TPM3: variants seen among roughly 807,000 people sequenced by gnomAD.
TPM3 encodes the protein tropomyosin 3.
In TPM3, 16 loss-of-function variants were observed where a neutral mutation model predicts 43.1. The ratio of observed to expected loss-of-function variants is 0.37; its 90% CI spans 0.25 to 0.56. The LOEUF (loss-of-function observed/expected upper bound fraction) is 0.56, where lower values mean the gene tolerates loss of function less well. Ranked by LOEUF, TPM3 falls within the 20% of genes least tolerant of loss-of-function variation. The probability of loss-of-function intolerance (pLI) is 0.77; values close to 1 mark genes in which losing one functional copy is unlikely to be tolerated. For synonymous variants in TPM3, 101 were observed against 116.9 expected (o/e 0.86, Z 0.88); for missense variants, 176 against 337.2 (o/e 0.52, Z 3.74).
At chr1:154,175,459 T>C (rs1474438782) in intron 3 of TPM3, among the ~76,000 whole-genome samples, 1 of 151,846 alleles carries the variant, frequency 6.6e-6, no homozygotes, top group Non-Finnish European at 1.5e-5. Flanking sequence ...CCCAGTGATT[T>C]CCCCCCTCAC....
chr1:154,175,374 C>T (rs1662189713), intron 3 of TPM3, among the ~76,000 whole-genome samples: 1 of 144,122 alleles, frequency 6.9e-6, no homozygotes, highest in Non-Finnish European at 1.5e-5. Flanking sequence ...ACTTTAAAAA[C>T]ATCAATGCCC....
At position 154,162,497 on chromosome 1, in the gene TPM3, T is replaced by G. The variant is rs12064494; in HGVS notation, c.*5440A>C. On this transcript the variant is annotated 3_prime_UTR_variant, in exon 10 of 10. Transcript: ENST00000651641. ...AAACAGAATAGGTCTAAGATAAAGC[T>G]GCCAAACAGAATAGGTCAGTTGTAC... Among the ~76,000 whole-genome samples the G allele has an allele frequency of 1.2e-3, 181 of 152,128 alleles. No individual in the cohort carries two copies. Among genetic ancestry groups the G allele is most frequent in the African/African-American group, 4.2e-3 (175 of 41,496 alleles).
At chr1:154,188,409 C>T (rs12029331) in intron 2 of TPM3, among the ~76,000 whole-genome samples, 69,829 of 151,010 alleles carry the variant, frequency 0.46, 16,923 homozygotes, top group Admixed American at 0.59. Context: ...GGCGCGGTGG[C>T]TCACACCTGT....
downstream of TPM3, among the ~76,000 whole-genome samples, chr1:154,157,937 T>G (rs539222370): frequency 6.6e-6 from 1 of 151,998 alleles, no homozygotes; most frequent in South Asian, 2.1e-4. Context: ...GGTGAGGGAG[T>G]TAGGGCCCTT....
chr1:154,177,198 T>A (rs1662435942), intron 2 of TPM3, among the ~76,000 whole-genome samples: 1 of 152,152 alleles, frequency 6.6e-6, no homozygotes, highest in Non-Finnish European at 1.5e-5. Flanking sequence ...TACTCCTTTT[T>A]TAAGTTGGCT....
intron 2 of TPM3, chr1:154,183,368 T>C (rs1663204758): frequency 7.4e-7 from 1 of 1,342,852 alleles, no homozygotes; most frequent in Admixed American, 2.7e-5. Flanking sequence ...GGCCTTACCT[T>C]GGGCCAGTAA....
At chr1:154,188,439 G>C (rs1025766153) in intron 2 of TPM3, among the ~76,000 whole-genome samples, 5 of 151,554 alleles carry the variant, frequency 3.3e-5, no homozygotes, top group African/African-American at 4.9e-5. Context: ...ACTTTGGGAG[G>C]CCGTGGCGGG....
Position 154,169,237 on chromosome 1 carries a change from T to C in TPM3, c.854+68A>G, listed in dbSNP as rs536471652. 12 of 1,446,106 alleles carry C rather than the reference T, an allele frequency of 8.3e-6. No homozygotes were observed. In the African/African-American group the frequency reaches 1.1e-4, roughly 13 times the overall value. The allele number at this position is 1,446,106 out of a possible 1,614,324, so 89.6% of individuals were successfully genotyped here. On this transcript the variant is annotated intron_variant, in intron 9 of 9. Coordinates refer to ENST00000651641, the MANE Select transcript of TPM3 (RefSeq NM_152263.4). ...AGGATAAAACCAAAGCACACCACTA[T>C]GCATAGCTTGTACCCCCATCCACCC...
intron 2 of TPM3, chr1:154,187,468 G>A (rs1663456138): frequency 3.0e-6 from 3 of 984,542 alleles, no homozygotes; most frequent in Non-Finnish European, 3.6e-6. Flanking sequence ...GGGGTTGAAT[G>A]AGTATTTTTA....
chr1:154,170,589 T>G (rs1661463037), intron 7 of TPM3, 60 bp downstream of exon 7: 1 of 1,594,006 alleles, frequency 6.3e-7, no homozygotes, highest in Admixed American at 1.7e-5. Context: ...TAAATCCATA[T>G]TAATGCCTTA....
intron 8 of TPM3, chr1:154,170,140 C>G (rs1457034839): frequency 2.1e-6 from 1 of 486,410 alleles, no homozygotes; most frequent in Non-Finnish European, 3.7e-6. Flanking sequence ...TAAATGCAGC[C>G]ATTATCATTC....
At chr1:154,184,636 C>T (rs191872838) in intron 2 of TPM3, among the ~76,000 whole-genome samples, 4 of 152,270 alleles carry the variant, frequency 2.6e-5, no homozygotes, top group African/African-American at 9.6e-5. Flanking sequence ...CACTGTCAGC[C>T]GGGCGGGGTG....
intron 2 of TPM3, chr1:154,178,297 A>G: frequency 1.8e-6 from 1 of 567,826 alleles, no homozygotes; most frequent in Non-Finnish European, 2.2e-6. Context: ...TTTACAATAG[A>G]ATTCTTAGCA....
At chr1:154,184,003 G>A (rs1226481793) in intron 2 of TPM3, among the ~76,000 whole-genome samples, 2 of 151,672 alleles carry the variant, frequency 1.3e-5, no homozygotes, top group African/African-American at 2.4e-5. Flanking sequence ...GGGACTACAG[G>A]TGCACGCCAC....
chr1:154,172,994 C>G lies in TPM3; in HGVS notation c.496-16G>C, dbSNP rs1222563189. 2.9e-5 allele frequency: 46 copies of G among 1,614,002 alleles called. No homozygotes were observed. The highest frequency in any genetic ancestry group is 3.7e-5 in the Non-Finnish European group (44 of 1,180,012). On this transcript the variant is annotated splice_polypyrimidine_tract_variant and intron_variant, in intron 4 of 9. Coordinates refer to ENST00000651641, the MANE Select transcript of TPM3 (RefSeq NM_152263.4). ...TACGAGCCACCTACAGGAAAAGATC[C>G]CAGTATAGCTTAGTGAAGCAAAGGA...
At chr1:154,183,229 A>G (rs1446841864) in intron 2 of TPM3, 17 of 1,549,308 alleles carry the variant, frequency 1.1e-5, no homozygotes, top group Non-Finnish European at 1.5e-5. Flanking sequence ...ACCGGAACTC[A>G]CCAACCCGCC....
intron 7 of TPM3, 87 bp from the exon 8 acceptor site, chr1:154,170,556 T>C: frequency 1.2e-6 from 2 of 1,600,610 alleles, no homozygotes; most frequent in Non-Finnish European, 1.7e-6. Context: ...TTCTGGACCT[T>C]TCAGAACCCA....
intron 5 of TPM3, chr1:154,172,153 A>G: frequency 1.3e-6 from 2 of 1,591,094 alleles, no homozygotes; most frequent in Non-Finnish European, 1.7e-6. Flanking sequence ...GTGGGGAGGG[A>G]GAAAGGTCAA....
At chr1:154,157,561 G>C, downstream of TPM3, 1 of 767,448 alleles carries the variant, frequency 1.3e-6, no homozygotes, top group South Asian at 1.3e-5. Flanking sequence ...CTCAGTTAAA[G>C]GTCAGCTTCC....
Sources: allele counts gnomAD v4.1 joint callset (sites outside exome capture counted in the v4.1 genomes callset), GRCh38; gene constraint gnomAD v4.1.1; transcripts MANE v1.5; gene names NCBI Gene and HGNC (gene_info 2026-07-23, HGNC 2026-07-21).